The following ADAMTSL3 variants were observed in gnomAD, a reference collection of about 807,000 sequenced individuals.
The protein encoded by ADAMTSL3 is ADAMTS like 3, also known as ADAMTS-like protein 3.
Under a neutral mutation model 201.7 loss-of-function variants are expected in ADAMTSL3, and 128 were observed. The observed-to-expected ratio is 0.63, with a 90% confidence interval of 0.55 to 0.73. ADAMTSL3 has a LOEUF of 0.73. Ranked by LOEUF, ADAMTSL3 falls within the 30% of genes least tolerant of loss-of-function variation. ADAMTSL3 has a pLI of 0.00. For synonymous variants in ADAMTSL3, 738 were observed against 748.4 expected, an observed-to-expected ratio of 0.99 and a Z score of 0.23; for missense variants, 1,990 against 2,119.6, an observed-to-expected ratio of 0.94 and a Z score of 1.20.
chr15:83,731,015 A>G (rs1417967118), intron 3 of ADAMTSL3, among the ~76,000 whole-genome samples: 1 of 152,078 alleles, frequency 6.6e-6, no homozygotes, highest in Non-Finnish European at 1.5e-5. Context: ...TCCAAACACT[A>G]TTTATTGAAG....
At position 84,036,912 on chromosome 15, in the gene ADAMTSL3, C is replaced by G; in HGVS notation, c.4894C>G (p.Pro1632Ala). 1 of 1,614,146 alleles carries G rather than the reference C, an allele frequency of 6.2e-7. No individual in the cohort carries two copies. Among genetic ancestry groups the G allele is most frequent in the Non-Finnish European group, 8.5e-7 (1 of 1,180,020 alleles). Reference protein sequence around the residue: ...VDCIHTRSCKPVAKRHCVQKK... With the variant: ...VDCIHTRSCKAVAKRHCVQKK... ...CTGTATCCACACAAGGAGTTGCAAA[C>G]CTGTGGCCAAGAGACACTGTGTACA... is the stretch of plus-strand genomic sequence containing the variant. Residue 1632 changes from proline (P) to alanine (A), a missense_variant, in exon 29 of 30, where the codon CCT becomes GCT. Coordinates refer to ENST00000286744, the MANE Select transcript of ADAMTSL3 (RefSeq NM_207517.3).
intron 23 of ADAMTSL3, among the ~76,000 whole-genome samples, chr15:83,993,273 ATCTT>A (rs919545939): frequency 4.6e-5 from 7 of 152,230 alleles, no homozygotes; most frequent in African/African-American, 1.2e-4. Context: ...TGAGTCATAT[ATCTT>A]TCTTCCCTCA....
chr15:83,780,630 A>C (rs2063153464), intron 4 of ADAMTSL3, among the ~76,000 whole-genome samples: 1 of 152,194 alleles, frequency 6.6e-6, no homozygotes, highest in African/African-American at 2.4e-5. Flanking sequence ...AGACAAGAGA[A>C]AGAAATAAAG....
At chr15:83,705,441 C>T (rs2061837208) in intron 3 of ADAMTSL3, among the ~76,000 whole-genome samples, 1 of 152,122 alleles carries the variant, frequency 6.6e-6, no homozygotes, top group South Asian at 2.1e-4. Flanking sequence ...TAGGTAAAGC[C>T]TAGTCAGAGT....
At chr15:83,660,305 G>T (rs2061145125) in intron 2 of ADAMTSL3, among the ~76,000 whole-genome samples, 5 of 152,140 alleles carry the variant, frequency 3.3e-5, no homozygotes, top group Admixed American at 3.3e-4. Flanking sequence ...AGTTACCCCT[G>T]CTATTGCTAT....
At chr15:83,983,424 A>T (rs1020894304) in intron 21 of ADAMTSL3, 80 bp downstream of exon 21, 6 of 1,077,586 alleles carry the variant, frequency 5.6e-6, no homozygotes, top group African/African-American at 3.2e-5. Context: ...AATATTTTCA[A>T]ATTCCTCTCC....
At chr15:83,970,158 C>CA (rs1370732045) in intron 19 of ADAMTSL3, among the ~76,000 whole-genome samples, 2 of 149,666 alleles carry the variant, frequency 1.3e-5, no homozygotes, top group Non-Finnish European at 3.0e-5. Flanking sequence ...ATTGCAATGC[C>CA]AAAAAAATCC....
At chr15:84,026,613 A>G (rs1306393935) in intron 27 of ADAMTSL3, among the ~76,000 whole-genome samples, 1 of 152,192 alleles carries the variant, frequency 6.6e-6, no homozygotes, top group African/African-American at 2.4e-5. Flanking sequence ...AGATCAATGA[A>G]ATTGAATTGA....
intron 15 of ADAMTSL3, among the ~76,000 whole-genome samples, chr15:83,904,802 A>G (rs1047776529): frequency 1.3e-5 from 2 of 152,208 alleles, no homozygotes; most frequent in Non-Finnish European, 2.9e-5. Context: ...TACAAAAACT[A>G]AGGAAATAGG....
At chr15:83,999,648 C>T (rs1289149998) in intron 23 of ADAMTSL3, among the ~76,000 whole-genome samples, 2 of 152,148 alleles carry the variant, frequency 1.3e-5, no homozygotes, top group Non-Finnish European at 1.5e-5. Context: ...GTGAGCATCT[C>T]ACTGGGTCAA....
intron 20 of ADAMTSL3, among the ~76,000 whole-genome samples, chr15:83,977,571 G>A (rs1282243603): frequency 6.6e-6 from 1 of 152,120 alleles, no homozygotes; most frequent in Admixed American, 6.6e-5. Flanking sequence ...TACTGGCAAT[G>A]GTGGTCAGAA....
chr15:84,022,326 A>G (rs766081810), intron 26 of ADAMTSL3, among the ~76,000 whole-genome samples: 5 of 152,212 alleles, frequency 3.3e-5, no homozygotes, highest in Non-Finnish European at 7.3e-5. Flanking sequence ...TATTTGAAAC[A>G]AATTCATCAT....
At chr15:83,666,451 A>T (rs1365146500) in intron 2 of ADAMTSL3, among the ~76,000 whole-genome samples, 3 of 152,210 alleles carry the variant, frequency 2.0e-5, no homozygotes, top group African/African-American at 7.2e-5. Context: ...CCACTATAAG[A>T]TTAAGGAAAT....
intron 3 of ADAMTSL3, among the ~76,000 whole-genome samples, chr15:83,762,805 T>C (rs2062828656): frequency 6.6e-6 from 1 of 152,248 alleles, no homozygotes; most frequent in Non-Finnish European, 1.5e-5. Flanking sequence ...TGTATGCTTC[T>C]TACTTCTGGA....
chr15:83,916,303 T>C (rs1293588928), intron 16 of ADAMTSL3, among the ~76,000 whole-genome samples: 1 of 152,132 alleles, frequency 6.6e-6, no homozygotes, highest in East Asian at 1.9e-4. Flanking sequence ...CTTATAAGGG[T>C]ATATTTTATC....
intron 3 of ADAMTSL3, among the ~76,000 whole-genome samples, chr15:83,709,458 G>T (rs111557273): frequency 6.6e-6 from 1 of 152,132 alleles, no homozygotes; most frequent in African/African-American, 2.4e-5. Context: ...AGTGGTTTTG[G>T]AGTTTTGTCC....
intron 4 of ADAMTSL3, among the ~76,000 whole-genome samples, chr15:83,788,432 C>G (rs2063296845): frequency 6.6e-6 from 1 of 152,114 alleles, no homozygotes. Flanking sequence ...CCAGAAGCTT[C>G]CTGCTTATCT....
intron 8 of ADAMTSL3, among the ~76,000 whole-genome samples, chr15:83,869,440 A>T (rs1301678225): frequency 1.3e-5 from 2 of 152,188 alleles, no homozygotes; most frequent in Non-Finnish European, 1.5e-5. Flanking sequence ...AGCCAGCATT[A>T]TTCTTCGACC....
intron 6 of ADAMTSL3, among the ~76,000 whole-genome samples, chr15:83,823,923 T>TTCC (rs1395544536): frequency 9.4e-6 from 1 of 105,878 alleles, no homozygotes; most frequent in African/African-American, 3.5e-5. Flanking sequence ...CTTCTTCTTC[T>TTCC]TCTTCTTCTT....
Sources: allele counts gnomAD v4.1 joint callset (sites outside exome capture counted in the v4.1 genomes callset), GRCh38; gene constraint gnomAD v4.1.1; transcripts MANE v1.5; gene names NCBI Gene and HGNC (gene_info 2026-07-23, HGNC 2026-07-21).